The following KIT variants were observed in gnomAD, a reference collection of about 807,000 sequenced individuals.
The protein encoded by KIT is KIT proto-oncogene, receptor tyrosine kinase.
KIT carries 16 observed loss-of-function variants against 105.7 expected under a neutral mutation model. The ratio of observed to expected loss-of-function variants is 0.15; its 90% CI spans 0.10 to 0.23. The LOEUF is 0.23. KIT is among the 10% of genes least tolerant of loss of function. KIT has a pLI of 1.00. For synonymous variants in KIT, 438 were observed against 441.1 expected, an observed-to-expected ratio of 0.99 and a Z score of 0.09; for missense variants, 858 against 1,213.8, an observed-to-expected ratio of 0.71 and a Z score of 4.36.
At chr4:54,713,160 T>G (rs1243630515) in intron 7 of KIT, among the ~76,000 whole-genome samples, 1 of 152,108 alleles carries the variant, frequency 6.6e-6, no homozygotes, top group Non-Finnish European at 1.5e-5. Context: ...GGGTTTTAGT[T>G]ACATAGATAA....
intron 7 of KIT, among the ~76,000 whole-genome samples, chr4:54,711,636 T>G (rs990705090): frequency 6.7e-6 from 1 of 148,586 alleles, no homozygotes; most frequent in African/African-American, 2.4e-5. Context: ...TAATAGTATA[T>G]AGAGGCTGGA....
At chr4:54,693,472 G>A (rs760430309) in intron 1 of KIT, among the ~76,000 whole-genome samples, 4 of 152,094 alleles carry the variant, frequency 2.6e-5, no homozygotes, top group Non-Finnish European at 5.9e-5. Flanking sequence ...ATCTGATCTT[G>A]TTTTTTAACT....
At chr4:54,681,821 C>T (rs904833735) in intron 1 of KIT, among the ~76,000 whole-genome samples, 12 of 151,944 alleles carry the variant, frequency 7.9e-5, no homozygotes, top group Non-Finnish European at 1.5e-4. Flanking sequence ...GGGTGGATCA[C>T]CTGAGGCCAG....
intron 7 of KIT, among the ~76,000 whole-genome samples, chr4:54,717,832 G>A (rs1721601949): frequency 6.6e-6 from 1 of 151,986 alleles, no homozygotes; most frequent in Non-Finnish European, 1.5e-5. Flanking sequence ...GAAAAAAGAG[G>A]CTTTTGTCCC....
At chr4:54,684,770 A>G (rs904163027) in intron 1 of KIT, among the ~76,000 whole-genome samples, 1 of 152,166 alleles carries the variant, frequency 6.6e-6, no homozygotes, top group African/African-American at 2.4e-5. Flanking sequence ...CTGCTGTACC[A>G]GTTGCCAGGC....
At chr4:54,697,854 G>C (rs934420369) in intron 2 of KIT, among the ~76,000 whole-genome samples, 7 of 152,172 alleles carry the variant, frequency 4.6e-5, no homozygotes, top group African/African-American at 1.4e-4. Flanking sequence ...CTTATTGGCA[G>C]ATGATCCCTG....
chr4:54,686,180 A>G (rs944068897), intron 1 of KIT, among the ~76,000 whole-genome samples: 3 of 152,138 alleles, frequency 2.0e-5, no homozygotes, highest in East Asian at 1.9e-4. Context: ...TTAGTTCATC[A>G]TCTTTAGACC....
Position 54,699,638 on chromosome 4 carries a change from G to A in KIT, c.628G>A (p.Ala210Thr), listed in dbSNP as rs1417793819. The A allele has an allele frequency of 6.2e-7, 1 of 1,613,976 alleles. No homozygotes were observed. The highest frequency in any genetic ancestry group is 1.3e-5 in the African/African-American group (1 of 75,030). The change falls in exon 4 of 21, where the codon GCT becomes ACT. Residue 210 changes from alanine (A) to threonine (T), a missense_variant. Ala to Thr is a moderately conservative substitution (Grantham distance 58). Transcript: ENST00000288135. ...FILKVRPAFK[A>T]VPVVSVSKAS... ...ATTTCTTTTCATTCTAGCCTTCAAAGCTGTGCCTGTTGTGTCTGTGTCCAA... is the reference window on the plus strand; with the variant it reads ...ATTTCTTTTCATTCTAGCCTTCAAAACTGTGCCTGTTGTGTCTGTGTCCAA...
At chr4:54,686,226 A>C (rs1422050680) in intron 1 of KIT, among the ~76,000 whole-genome samples, 1 of 151,980 alleles carries the variant, frequency 6.6e-6, no homozygotes, top group Non-Finnish European at 1.5e-5. Context: ...ACTTAAAAAA[A>C]AAAACTAAAT....
At position 54,739,222 on chromosome 4, in the gene KIT, C is replaced by T. The variant is rs566225251; in HGVS notation, c.*665C>T. 7.8e-5 allele frequency: 21 copies of T among 268,842 alleles called. No homozygotes were observed. In the Admixed American group the frequency reaches 1.0e-3, roughly 13 times the overall value. 16.7% of individuals were successfully genotyped at this position (268,842 alleles called of 1,614,324 possible). ...GGAGAGAAGGCCTCCCTAGCCAGCA[C>T]TTGTATATACGCATCTATAAATTGT... On this transcript the variant is annotated 3_prime_UTR_variant, in exon 21 of 21. Coordinates refer to ENST00000288135, the MANE Select transcript of KIT (RefSeq NM_000222.3).
intron 1 of KIT, among the ~76,000 whole-genome samples, chr4:54,675,441 G>A (rs1718401327): frequency 3.3e-5 from 5 of 152,182 alleles, no homozygotes; most frequent in Admixed American, 3.3e-4. Context: ...CTAAGTGAAT[G>A]TCACCCAAGA....
intron 1 of KIT, among the ~76,000 whole-genome samples, chr4:54,694,408 G>A (rs576580697): frequency 5.5e-4 from 83 of 152,286 alleles, no homozygotes; most frequent in Non-Finnish European, 9.4e-4. Flanking sequence ...CTGGAGTGCA[G>A]TGTTGCAATC....
chr4:54,667,637 AC>A (rs1382772313), intron 1 of KIT, among the ~76,000 whole-genome samples: 1 of 152,218 alleles, frequency 6.6e-6, no homozygotes, highest in Non-Finnish European at 1.5e-5. Context: ...CGCCGACAGA[AC>A]GTCTGTAGAG....
At position 54,733,066 on chromosome 4, in the gene KIT, A is replaced by T. The variant is rs1379868589; in HGVS notation, c.2362-4A>T. 1.9e-6 allele frequency: 3 copies of T among 1,610,820 alleles called. No individual in the cohort carries two copies. The highest frequency in any genetic ancestry group is 1.7e-4 in the Middle Eastern group (1 of 6,050). On this transcript the variant is annotated splice_polypyrimidine_tract_variant and splice_region_variant and intron_variant, in intron 16 of 20. Transcript: ENST00000288135. ...TGGTTTTCTTTTCTCCTCCAACCTA[A>T]TAGTGTATTCACAGAGACTTGGCAG...
chr4:54,703,164 A>G (rs1273935425), intron 4 of KIT, among the ~76,000 whole-genome samples: 2 of 152,094 alleles, frequency 1.3e-5, no homozygotes, highest in Non-Finnish European at 2.9e-5. Context: ...TTGTTCTTAG[A>G]TGTCTCTTAT....
intron 1 of KIT, among the ~76,000 whole-genome samples, chr4:54,688,038 G>A (rs1189031111): frequency 6.6e-6 from 1 of 152,158 alleles, no homozygotes; most frequent in Non-Finnish European, 1.5e-5. Flanking sequence ...GAGATTCTCT[G>A]TTGCATGGCT....
rs1478203750 is a variant in KIT, at chr4:54,695,715, A to C, written c.271A>C (p.Asn91His). ...GATCACGGAAAAGGCAGAAGCCACCAACACCGGCAAATACACGTGCACCAA... is the reference window on the plus strand; with the variant it reads ...GATCACGGAAAAGGCAGAAGCCACCCACACCGGCAAATACACGTGCACCAA... ...EWITEKAEAT[N>H]TGKYTCTNKH... The change falls in exon 2 of 21, where the codon AAC (asparagine) becomes CAC (histidine). Residue 91 changes from asparagine (N) to histidine (H), a missense_variant. Coordinates refer to ENST00000288135, the MANE Select transcript of KIT (RefSeq NM_000222.3). 1 of 1,614,254 alleles carries C rather than the reference A, an allele frequency of 6.2e-7. No individual in the cohort carries two copies. The highest frequency in any genetic ancestry group is 1.1e-5 in the South Asian group (1 of 91,090).
At chr4:54,662,167 C>T (rs971605727) in intron 1 of KIT, among the ~76,000 whole-genome samples, 1 of 152,110 alleles carries the variant, frequency 6.6e-6, no homozygotes, top group East Asian at 1.9e-4. Context: ...CCTGCCATCC[C>T]TTAGGCATTC....
Position 54,657,970 on chromosome 4 carries a change from A to T in KIT, c.-45A>T. 1.3e-6 allele frequency: 2 copies of T among 1,599,650 alleles called. No homozygotes were observed. The highest frequency in any genetic ancestry group is 1.7e-6 in the Non-Finnish European group (2 of 1,168,698). On this transcript the variant is annotated 5_prime_UTR_variant, in exon 1 of 21. Transcript: ENST00000288135. ...GCCGCGCTCGCTGCACTTGGGCGAG[A>T]GCTGGAACGTGGACCAGAGCTCGGA...
Sources: allele counts gnomAD v4.1 joint callset (sites outside exome capture counted in the v4.1 genomes callset), GRCh38; gene constraint gnomAD v4.1.1; transcripts MANE v1.5; gene names NCBI Gene and HGNC (gene_info 2026-07-23, HGNC 2026-07-21).